The following POU6F2 variants were observed in gnomAD, a reference collection of about 807,000 sequenced individuals.
POU6F2 encodes the protein POU domain, class 6, transcription factor 2.
In POU6F2, 31 loss-of-function variants were observed where a neutral mutation model predicts 71.3. The ratio of observed to expected loss-of-function variants is 0.43; its 90% CI spans 0.33 to 0.59. The LOEUF is 0.59. POU6F2 is among the 20% of genes least tolerant of loss of function. The pLI, the probability that POU6F2 is intolerant of heterozygous loss-of-function variation, is 0.04. For missense variants in POU6F2, 783 were observed against 856.8 expected (o/e 0.91, Z 1.07); for synonymous variants, 347 against 355.7 (o/e 0.98, Z 0.27).
chr7:39,356,189 C>T (rs79198784), intron 5 of POU6F2, among the ~76,000 whole-genome samples: 1 of 152,228 alleles, frequency 6.6e-6, no homozygotes, highest in Non-Finnish European at 1.5e-5. Flanking sequence ...GTTTATATCA[C>T]CTCCATGCTC....
At chr7:39,078,630 A>G (rs941505989) in intron 1 of POU6F2, among the ~76,000 whole-genome samples, 3 of 152,208 alleles carry the variant, frequency 2.0e-5, no homozygotes, top group African/African-American at 7.2e-5. Flanking sequence ...AATTAAGGCA[A>G]CTGATCAAAC....
chr7:39,190,772 G>A (rs979324827), intron 2 of POU6F2, among the ~76,000 whole-genome samples: 6 of 151,544 alleles, frequency 4.0e-5, no homozygotes, highest in Non-Finnish European at 8.8e-5. Context: ...TGAGTAGCTG[G>A]GATTACAGGC....
rs529184025 is a variant in POU6F2, at chr7:39,225,316, A to G, written c.598+17696A>G. Among the ~76,000 whole-genome samples the G allele has an allele frequency of 1.6e-4, 25 of 152,326 alleles. No homozygotes were observed. The South Asian group carries it at 2.3e-3, about 14-fold the overall frequency. On this transcript the variant is annotated intron_variant, in intron 4 of 9. Coordinates refer to ENST00000518318, the MANE Select transcript of POU6F2 (RefSeq NM_001370959.1). ...TTTTAATTAAGGAGCTAAAGCTCGA[A>G]AAGAGGGCTGTTTTATAATACATTT...
At chr7:39,441,840 G>T (rs1788414004) in intron 7 of POU6F2, among the ~76,000 whole-genome samples, 2 of 152,134 alleles carry the variant, frequency 1.3e-5, no homozygotes, top group Non-Finnish European at 2.9e-5. Flanking sequence ...ACAAAAGAAA[G>T]GTGGTGGACA....
chr7:39,427,328 C>T (rs867638951), intron 6 of POU6F2, among the ~76,000 whole-genome samples: 2 of 152,260 alleles, frequency 1.3e-5, no homozygotes, highest in South Asian at 4.1e-4. Context: ...GGTGGCAAAG[C>T]CTGGCCTTAA....
chr7:39,263,546 T>C (rs1784180409), intron 4 of POU6F2, among the ~76,000 whole-genome samples: 1 of 152,242 alleles, frequency 6.6e-6, no homozygotes, highest in African/African-American at 2.4e-5. Flanking sequence ...GGATACAATG[T>C]TCTGAACAAA....
intron 4 of POU6F2, 99 bp from the exon 5 acceptor site, chr7:39,339,543 A>C (rs1278036424): frequency 1.4e-5 from 20 of 1,428,050 alleles, no homozygotes; most frequent in Non-Finnish European, 1.8e-5. Flanking sequence ...AGAATTTTCT[A>C]AAGGAAACCC....
chr7:39,377,163 T>C, intron 5 of POU6F2, among the ~76,000 whole-genome samples: 1 of 151,036 alleles, frequency 6.6e-6, no homozygotes, highest in Admixed American at 6.6e-5. Context: ...TGGAGTCTCA[T>C]TCTGTCACCC....
chr7:39,083,128 G>A (rs368942231), intron 1 of POU6F2, among the ~76,000 whole-genome samples: 7 of 152,290 alleles, frequency 4.6e-5, no homozygotes, highest in South Asian at 2.1e-4. Context: ...ATTTCAGCTC[G>A]TCAGTGTGAT....
In POU6F2 at chr7:39,054,378, C is replaced by T. The variant is rs145334393; in HGVS notation, c.106-31482C>T. Among the ~76,000 whole-genome samples the T allele has an allele frequency of 2.0e-4, 31 of 152,118 alleles. No individual in the cohort carries two copies. The East Asian group carries it at 3.9e-3, about 19-fold the overall frequency. ...AATTGCTCCTATTTTATAGATAAGA[C>T]GAATAAGCCACAGGAAATTTAAGCA... is the stretch of plus-strand genomic sequence containing the variant. On this transcript the variant is annotated intron_variant, in intron 1 of 9. Transcript: ENST00000518318.
At chr7:39,108,947 G>A (rs938062795) in intron 2 of POU6F2, among the ~76,000 whole-genome samples, 1 of 152,138 alleles carries the variant, frequency 6.6e-6, no homozygotes, top group African/African-American at 2.4e-5. Context: ...ACAATTGTAA[G>A]CAAACAACAA....
intron 4 of POU6F2, among the ~76,000 whole-genome samples, chr7:39,321,663 G>T (rs1785394060): frequency 6.6e-6 from 1 of 152,174 alleles, no homozygotes; most frequent in South Asian, 2.1e-4. Flanking sequence ...TGAATGAAGT[G>T]CAGGAAGGCA....
chr7:39,110,839 ATGTT>A (rs545794335), intron 2 of POU6F2, among the ~76,000 whole-genome samples: 2 of 152,318 alleles, frequency 1.3e-5, no homozygotes, highest in East Asian at 1.9e-4. Flanking sequence ...TTCACACAGA[ATGTT>A]TGTCAATGGA....
At chr7:39,108,057 CTG>C in intron 2 of POU6F2, among the ~76,000 whole-genome samples, 1 of 152,250 alleles carries the variant, frequency 6.6e-6, no homozygotes, top group African/African-American at 2.4e-5. Context: ...TGGGCTATAA[CTG>C]TGATTCTGAA....
rs1336880931 is a variant in POU6F2, at chr7:39,236,897, C to T, written c.598+29277C>T. On this transcript the variant is annotated intron_variant, in intron 4 of 9. Transcript: ENST00000518318. ...CTTTATTTTTTATAAAACTGCTAAC[C>T]ACATGCTATCAAACATGAATAGGAA... is the stretch of plus-strand genomic sequence containing the variant. 3.3e-5 allele frequency among the ~76,000 whole-genome samples: 5 copies of T among 152,162 alleles called. No homozygotes were observed. The East Asian group carries it at 7.7e-4, about 23-fold the overall frequency.
intron 5 of POU6F2, among the ~76,000 whole-genome samples, chr7:39,371,073 A>C (rs1168420039): frequency 6.6e-6 from 1 of 152,194 alleles, no homozygotes; most frequent in Non-Finnish European, 1.5e-5. Flanking sequence ...TCTCCTCTGC[A>C]GGGCATAGAC....
intron 4 of POU6F2, among the ~76,000 whole-genome samples, chr7:39,334,068 G>T (rs182598255): frequency 1.3e-5 from 2 of 152,320 alleles, no homozygotes; most frequent in African/African-American, 4.8e-5. Context: ...AATGTGTAGG[G>T]ATGTTTTCAT....
At chr7:39,305,812 G>A (rs188163757) in intron 4 of POU6F2, among the ~76,000 whole-genome samples, 1 of 152,300 alleles carries the variant, frequency 6.6e-6, no homozygotes, top group East Asian at 1.9e-4. Flanking sequence ...ACATCCTGAA[G>A]CCTGATACTT....
intron 4 of POU6F2, among the ~76,000 whole-genome samples, chr7:39,237,957 C>G (rs1794703532): frequency 6.6e-6 from 1 of 152,138 alleles, no homozygotes; most frequent in Non-Finnish European, 1.5e-5. Flanking sequence ...ATGGAACTCT[C>G]TCTAGGCCCT....
Sources: allele counts gnomAD v4.1 joint callset (sites outside exome capture counted in the v4.1 genomes callset), GRCh38; gene constraint gnomAD v4.1.1; transcripts MANE v1.5; gene names NCBI Gene and HGNC (gene_info 2026-07-23, HGNC 2026-07-21).